PAIP2: variants seen among roughly 807,000 people sequenced by gnomAD.
PAIP2 encodes the protein polyadenylate-binding protein-interacting protein 2.
PAIP2 carries 7 observed loss-of-function variants against 14.8 expected under a neutral mutation model. That is an observed-to-expected ratio of 0.47 (90% CI 0.27 to 0.89). The LOEUF is 0.89. PAIP2 is among the 40% of genes least tolerant of loss of function. PAIP2 has a pLI of 0.13. For missense variants in PAIP2, 122 were observed against 154.7 expected (o/e 0.79, Z 1.12); for synonymous variants, 47 against 45.3 (o/e 1.04, Z -0.15).
chr5:139,344,332 C>T (rs755309330), intron 1 of PAIP2, among the ~76,000 whole-genome samples: 49 of 152,208 alleles, frequency 3.2e-4, no homozygotes, highest in Admixed American at 9.8e-4. Flanking sequence ...TTTGAACCTA[C>T]GTCTTCTGAC....
chr5:139,354,105 T>A (rs1453974294), intron 1 of PAIP2, among the ~76,000 whole-genome samples: 1 of 152,234 alleles, frequency 6.6e-6, no homozygotes, highest in East Asian at 1.9e-4. Context: ...CTGTATAAGT[T>A]ACTTTTACTG....
chr5:139,360,302 C>G (rs1460095231), intron 1 of PAIP2, among the ~76,000 whole-genome samples: 5 of 151,980 alleles, frequency 3.3e-5, no homozygotes, highest in African/African-American at 1.2e-4. Context: ...ATTATTTAGT[C>G]AAAACTTGCT....
chr5:139,343,910 G>A (rs374396035), intron 1 of PAIP2, among the ~76,000 whole-genome samples: 2 of 151,988 alleles, frequency 1.3e-5, no homozygotes, highest in Non-Finnish European at 2.9e-5. Context: ...TAGAGACAGG[G>A]TTTCACCGTG....
chr5:139,356,062 C>T (rs754872107), intron 1 of PAIP2, among the ~76,000 whole-genome samples: 1 of 152,114 alleles, frequency 6.6e-6, no homozygotes, highest in East Asian at 1.9e-4. Flanking sequence ...CACTTGAACC[C>T]AGGAGGCAGA....
chr5:139,368,211 G>A (rs1453153952), intron 3 of PAIP2, among the ~76,000 whole-genome samples: 5 of 152,300 alleles, frequency 3.3e-5, no homozygotes, highest in South Asian at 2.1e-4. Context: ...GGCGGTGGGC[G>A]CCTGTAGTCC....
intron 1 of PAIP2, among the ~76,000 whole-genome samples, chr5:139,350,712 G>A (rs1362376779): frequency 1.3e-5 from 2 of 151,380 alleles, no homozygotes; most frequent in Admixed American, 1.3e-4. Context: ...AAATGGTTAA[G>A]CAAAAAAAAA....
chr5:139,365,082 TGTG>T (rs1337061570), intron 3 of PAIP2: 1 of 155,792 alleles, frequency 6.4e-6, no homozygotes, highest in Non-Finnish European at 1.4e-5. Flanking sequence ...AGACGGAAGT[TGTG>T]GTGAGCTGAG....
intron 1 of PAIP2, among the ~76,000 whole-genome samples, chr5:139,352,757 C>T (rs1756785533): frequency 6.6e-6 from 1 of 151,462 alleles, no homozygotes; most frequent in Non-Finnish European, 1.5e-5. Context: ...AGGCATGAGC[C>T]ACCACGCCCA....
intron 1 of PAIP2, among the ~76,000 whole-genome samples, chr5:139,345,926 C>A (rs972324696): frequency 6.6e-6 from 1 of 152,046 alleles, no homozygotes; most frequent in Non-Finnish European, 1.5e-5. Context: ...CGCACCAGGC[C>A]TATATTTGAA....
intron 1 of PAIP2, among the ~76,000 whole-genome samples, chr5:139,352,170 A>G (rs79813658): frequency 1.3e-4 from 17 of 127,626 alleles, no homozygotes; most frequent in African/African-American, 4.1e-4. Flanking sequence ...CCAAAATCTG[A>G]AAAAAAAAAA....
In PAIP2 at chr5:139,369,610, GT is replaced by G. The variant is rs1433549362; in HGVS notation, c.*814del. 1 of 152,542 alleles carries G rather than the reference GT, an allele frequency of 6.6e-6. No individual in the cohort carries two copies. The highest frequency in any genetic ancestry group is 1.5e-5 in the Non-Finnish European group (1 of 68,036). The allele number at this position is 152,542 out of a possible 1,614,324, so 9.4% of individuals were successfully genotyped here. On this transcript the variant is annotated 3_prime_UTR_variant, in exon 4 of 4. Transcript: ENST00000265192. Reference sequence around the variant, plus strand: ...CTTCTTAAACTTCATATTTGGGTAGGTTAAGCTGCCATACGTGTTCAGTGTG... The same window carrying G: ...CTTCTTAAACTTCATATTTGGGTAGGTAAGCTGCCATACGTGTTCAGTGTG...
At chr5:139,365,725 C>G (rs893311131) in intron 3 of PAIP2, among the ~76,000 whole-genome samples, 3 of 151,976 alleles carry the variant, frequency 2.0e-5, no homozygotes, top group Non-Finnish European at 4.4e-5. Flanking sequence ...AGTCTCACGA[C>G]ATGGAATCAC....
At chr5:139,353,779 G>T (rs1756825054) in intron 1 of PAIP2, among the ~76,000 whole-genome samples, 1 of 151,454 alleles carries the variant, frequency 6.6e-6, no homozygotes, top group African/African-American at 2.4e-5. Flanking sequence ...GAGTGCAGTG[G>T]CGCTGTCTCG....
intron 1 of PAIP2, among the ~76,000 whole-genome samples, chr5:139,362,214 T>G (rs1390287440): frequency 1.3e-5 from 2 of 151,686 alleles, no homozygotes; most frequent in East Asian, 1.9e-4. Flanking sequence ...GTGTTTGGTT[T>G]TTGTTGTTGT....
chr5:139,363,694 C>A, intron 1 of PAIP2, 65 bp from the exon 2 acceptor site: 1 of 1,434,658 alleles, frequency 7.0e-7, no homozygotes. Flanking sequence ...CGGAGTGAAA[C>A]CTTGTCTCAG....
intron 1 of PAIP2, among the ~76,000 whole-genome samples, chr5:139,358,292 A>G (rs1202787676): frequency 2.0e-5 from 3 of 152,238 alleles, no homozygotes; most frequent in African/African-American, 4.8e-5. Context: ...TGAGTATTAA[A>G]TAGATGATGA....
At chr5:139,351,707 G>C (rs951873971) in intron 1 of PAIP2, among the ~76,000 whole-genome samples, 2 of 151,580 alleles carry the variant, frequency 1.3e-5, no homozygotes, top group Non-Finnish European at 2.9e-5. Flanking sequence ...TTTGAGAGAT[G>C]GGGTCTTGCT....
chr5:139,355,655 G>T (rs1356224584), intron 1 of PAIP2, among the ~76,000 whole-genome samples: 2 of 152,150 alleles, frequency 1.3e-5, no homozygotes, highest in Non-Finnish European at 2.9e-5. Flanking sequence ...AGGAGTTCGA[G>T]ACCAACCTGG....
chr5:139,359,210 C>T (rs1757002064), intron 1 of PAIP2, among the ~76,000 whole-genome samples: 1 of 152,174 alleles, frequency 6.6e-6, no homozygotes, highest in African/African-American at 2.4e-5. Flanking sequence ...GATCTTGGCA[C>T]ACTGGAACCT....
Sources: gnomAD v4.1 joint callset for allele counts (sites outside exome capture counted in the v4.1 genomes callset) on GRCh38, gnomAD v4.1.1 for gene constraint, MANE v1.5 for transcripts, NCBI Gene and HGNC (gene_info 2026-07-23, HGNC 2026-07-21) for gene names.